The following CMC2 variants were observed in gnomAD, a reference collection of about 807,000 sequenced individuals.
CMC2 encodes the protein COX assembly mitochondrial protein 2 homolog.
CMC2 carries 5 observed loss-of-function variants against 7.5 expected under a neutral mutation model. That is an observed-to-expected ratio of 0.66 (90% CI 0.35 to 1.40). CMC2 has a LOEUF of 1.40. Ranked by LOEUF, CMC2 falls within the 40% of genes most tolerant of loss-of-function variation. The probability of loss-of-function intolerance (pLI) is 0.04; values close to 1 mark genes in which losing one functional copy is unlikely to be tolerated. For synonymous variants in CMC2, 37 were observed against 31.4 expected, an observed-to-expected ratio of 1.18 and a Z score of -0.60; for missense variants, 115 against 92.3, an observed-to-expected ratio of 1.25 and a Z score of -1.01.
At position 80,997,416 on chromosome 16, in the gene CMC2, C is replaced by T. The variant is rs754310157; in HGVS notation, c.-22G>A. 6.3e-7 allele frequency: 1 copy of T among 1,578,090 alleles called. No homozygotes were observed. The highest frequency in any genetic ancestry group is 8.7e-7 in the Non-Finnish European group (1 of 1,148,580). ...GCATCTTTAGGAGATGAGGATGGAT[C>T]ACAGCAGTGCAACCTGTGGATACAA... On this transcript the variant is annotated 5_prime_UTR_variant, in exon 2 of 4. Transcript: ENST00000219400.
intron 2 of CMC2, chr16:80,991,931 A>G: frequency 2.2e-6 from 1 of 455,528 alleles, no homozygotes; most frequent in Admixed American, 2.4e-5. Context: ...ACAAGAACTA[A>G]GTGTAATGTG....
chr16:80,983,114 C>T (rs997210385), intron 2 of CMC2: 6 of 153,332 alleles, frequency 3.9e-5, no homozygotes, highest in African/African-American at 1.4e-4. Context: ...CTTATTTTTT[C>T]TCTAGCCTAC....
In CMC2 at chr16:80,971,584, A is replaced by ATATATATATGTG. The variant is rs778193287; in HGVS notation, c.*4508_*4509insCACATATATATA. ...ACATTTTATATATATATATATATAT[A>ATATATATATGTG]TGTATGAAATCATGCATATATATAT... On this transcript the variant is annotated 3_prime_UTR_variant, in exon 4 of 4. Transcript: ENST00000219400. 3.4e-3 allele frequency: 479 copies of ATATATATATGTG among 139,552 alleles called. 9 individuals are homozygous for ATATATATATGTG. Among genetic ancestry groups the ATATATATATGTG allele is most frequent in the Admixed American group, 9.9e-3 (141 of 14,242 alleles). The allele number at this position is 139,552 out of a possible 1,614,324, so 8.6% of individuals were successfully genotyped here.
intron 1 of CMC2, 127 bp from the exon 2 acceptor site, chr16:80,997,556 T>G (rs1373911468): frequency 1.9e-6 from 1 of 519,204 alleles, no homozygotes; most frequent in South Asian, 2.8e-5. Flanking sequence ...CTGTGTGACC[T>G]CAGGCAAATT....
chr16:80,980,670 G>C, intron 3 of CMC2: 1 of 517,618 alleles, frequency 1.9e-6, no homozygotes, highest in Non-Finnish European at 3.5e-6. Context: ...TGGGAGGACT[G>C]CTTGAGGTTA....
chr16:80,976,203 A>G, intron 3 of CMC2, 24 bp from the exon 4 acceptor site: 4 of 1,339,900 alleles, frequency 3.0e-6, no homozygotes, highest in Non-Finnish European at 4.2e-6. Flanking sequence ...GAAGGGGGGG[A>G]GAAAAGAAAC....
At chr16:80,985,267 GT>G (rs1486149101) in intron 2 of CMC2, among the ~76,000 whole-genome samples, 1 of 152,160 alleles carries the variant, frequency 6.6e-6, no homozygotes, top group Admixed American at 6.5e-5. Context: ...AAAAACATTT[GT>G]TTTGTTCATT....
chr16:80,978,171 G>C (rs1912661894), intron 3 of CMC2: 7 of 647,974 alleles, frequency 1.1e-5, no homozygotes, highest in Non-Finnish European at 1.4e-5. Flanking sequence ...AAATTGTTGG[G>C]GAAAAAATCA....
intron 3 of CMC2, 143 bp downstream of exon 3, chr16:80,981,663 A>C (rs1308498314): frequency 5.4e-6 from 3 of 552,828 alleles, no homozygotes; most frequent in Admixed American, 3.7e-5. Context: ...TTCTTCCCCT[A>C]AACAGAGGAA....
chr16:80,994,788 A>G lies in CMC2; in HGVS notation c.81+2526T>C, dbSNP rs550856556. On this transcript the variant is annotated intron_variant, in intron 2 of 3. Transcript: ENST00000219400. Reference sequence around the variant, plus strand: ...ATGAAGGTACATATACACTTAACACATGACCTAGTCATTCCATTCCTAGGT... The same window carrying G: ...ATGAAGGTACATATACACTTAACACGTGACCTAGTCATTCCATTCCTAGGT... 2.6e-5 allele frequency among the ~76,000 whole-genome samples: 4 copies of G among 152,350 alleles called. No homozygotes were observed. In the South Asian group the frequency reaches 8.3e-4, roughly 32 times the overall value.
At position 80,973,889 on chromosome 16, in the gene CMC2, T is replaced by C. The variant is rs1330586698; in HGVS notation, c.*2204A>G. Reference sequence around the variant, plus strand: ...TGAATATCCCATAAAAACGTACTCATATATTACTTATAAAATTTTTAAGAA... The same window carrying C: ...TGAATATCCCATAAAAACGTACTCACATATTACTTATAAAATTTTTAAGAA... On this transcript the variant is annotated 3_prime_UTR_variant, in exon 4 of 4. Coordinates refer to ENST00000219400, the MANE Select transcript of CMC2 (RefSeq NM_020188.5). 2 of 152,346 alleles carry C rather than the reference T, an allele frequency of 1.3e-5. No individual in the cohort carries two copies. Among genetic ancestry groups the C allele is most frequent in the East Asian group, 3.9e-4 (2 of 5,190 alleles). 9.4% of individuals were successfully genotyped at this position (152,346 alleles called of 1,614,324 possible).
At chr16:80,981,399 G>GC (rs1967099851) in intron 3 of CMC2, among the ~76,000 whole-genome samples, 1 of 152,142 alleles carries the variant, frequency 6.6e-6, no homozygotes, top group African/African-American at 2.4e-5. Context: ...AATTCAAAAT[G>GC]TTAAAGCTGA....
chr16:80,977,066 T>A (rs987588034), intron 3 of CMC2, among the ~76,000 whole-genome samples: 1 of 152,222 alleles, frequency 6.6e-6, no homozygotes. Context: ...TTAGACATTA[T>A]CAAGAGTAAC....
chr16:80,972,369 GT>G lies in CMC2; in HGVS notation c.*3723del. 6.6e-6 allele frequency: 1 copy of G among 151,678 alleles called. No individual in the cohort carries two copies. Among genetic ancestry groups the G allele is most frequent in the Non-Finnish European group, 1.5e-5 (1 of 67,904 alleles). The allele number at this position is 151,678 out of a possible 1,614,324, so 9.4% of individuals were successfully genotyped here. A position where few individuals can be genotyped will look rare whatever the true frequency, so the allele number is the denominator to read the frequency against. ...GGACAGTGAGGATTTTTTGTTTTTC[GT>G]TTTTTTTGTTTTTTTCTAAGAACAG... On this transcript the variant is annotated 3_prime_UTR_variant, in exon 4 of 4. Transcript: ENST00000219400.
chr16:80,979,464 A>G (rs548186879), intron 3 of CMC2, among the ~76,000 whole-genome samples: 1 of 152,294 alleles, frequency 6.6e-6, no homozygotes, highest in East Asian at 1.9e-4. Context: ...AGCAGTGGCA[A>G]AATTTCTGAA....
In CMC2 at chr16:80,975,145, T is replaced by C. The variant is rs747165871; in HGVS notation, c.*948A>G. ...AACACTGGTGAAATGACTGCTAGAA[T>C]TGGGCACGGGAAGAACAGTCCTATA... On this transcript the variant is annotated 3_prime_UTR_variant, in exon 4 of 4. Transcript: ENST00000219400. 7 of 152,244 alleles carry C rather than the reference T, an allele frequency of 4.6e-5. No homozygotes were observed. Among genetic ancestry groups the C allele is most frequent in the Middle Eastern group, 3.2e-3 (1 of 316 alleles). 9.4% of individuals were successfully genotyped at this position (152,244 alleles called of 1,614,324 possible).
At chr16:80,984,372 G>T (rs1259814179) in intron 2 of CMC2, among the ~76,000 whole-genome samples, 1 of 152,166 alleles carries the variant, frequency 6.6e-6, no homozygotes, top group Non-Finnish European at 1.5e-5. Flanking sequence ...ATGGAAACCA[G>T]ACAACACATA....
intron 2 of CMC2, among the ~76,000 whole-genome samples, chr16:80,992,306 A>G (rs970250563): frequency 2.0e-5 from 3 of 152,220 alleles, no homozygotes; most frequent in African/African-American, 7.2e-5. Context: ...TGCAAACAAC[A>G]CTGCAGTAAA....
In CMC2 at chr16:80,974,839, G is replaced by A. The variant is rs895584457; in HGVS notation, c.*1254C>T. 2 of 152,158 alleles carry A rather than the reference G, an allele frequency of 1.3e-5. No homozygotes were observed. Among genetic ancestry groups the A allele is most frequent in the African/African-American group, 4.8e-5 (2 of 41,438 alleles). 9.4% of individuals were successfully genotyped at this position (152,158 alleles called of 1,614,324 possible). On this transcript the variant is annotated 3_prime_UTR_variant, in exon 4 of 4. Transcript: ENST00000219400. Reference sequence around the variant, plus strand: ...GGAAGGTACTTCAGAATTAATTCTGGTTCTTTCCCCATCCTTTCACTGAAT... The same window carrying A: ...GGAAGGTACTTCAGAATTAATTCTGATTCTTTCCCCATCCTTTCACTGAAT...
Sources: allele counts gnomAD v4.1 joint callset (sites outside exome capture counted in the v4.1 genomes callset), GRCh38; gene constraint gnomAD v4.1.1; transcripts MANE v1.5; gene names NCBI Gene and HGNC (gene_info 2026-07-23, HGNC 2026-07-21).